Variants in CCDC178 observed in about 807,000 individuals in gnomAD.
The protein encoded by CCDC178 is coiled-coil domain containing 178, also known as coiled-coil domain-containing protein 178.
In CCDC178, 126 loss-of-function variants were observed where a neutral mutation model predicts 117.4. The observed-to-expected ratio is 1.07, with a 90% CI of 0.93 to 1.24. CCDC178 has a LOEUF of 1.24. Ranked by LOEUF, CCDC178 falls within the 50% of genes most tolerant of loss-of-function variation. CCDC178 has a pLI of 0.00. For missense variants in CCDC178, 1,030 were observed against 986.9 expected (o/e 1.04, Z -0.59); for synonymous variants, 283 against 313.4 (o/e 0.90, Z 1.02).
chr18:33,158,889 C>T (rs1482452079), intron 20 of CCDC178, among the ~76,000 whole-genome samples: 2 of 152,034 alleles, frequency 1.3e-5, no homozygotes, highest in Non-Finnish European at 2.9e-5. Flanking sequence ...GCTTACCTCC[C>T]ATTTTAAAGG....
At chr18:33,028,847 A>T (rs146032155) in intron 21 of CCDC178, among the ~76,000 whole-genome samples, 72 of 152,000 alleles carry the variant, frequency 4.7e-4, no homozygotes, top group African/African-American at 1.7e-3. Context: ...ATACTGAAAT[A>T]ACCTTGCATA....
chr18:33,232,667 G>T (rs4573999), intron 15 of CCDC178, among the ~76,000 whole-genome samples: 24,436 of 152,036 alleles, frequency 0.16, 2,731 homozygotes, highest in African/African-American at 0.32. Context: ...ATGACACTAT[G>T]TTATCTTTCT....
At chr18:33,284,609 T>C (rs2144840851) in intron 12 of CCDC178, among the ~76,000 whole-genome samples, 1 of 152,322 alleles carries the variant, frequency 6.6e-6, no homozygotes, top group South Asian at 2.1e-4. Context: ...TATCTTCTAT[T>C]CGCTTGAGTA....
At chr18:33,396,817 C>CG (rs2063643822) in intron 4 of CCDC178, among the ~76,000 whole-genome samples, 1 of 151,830 alleles carries the variant, frequency 6.6e-6, no homozygotes, top group South Asian at 2.1e-4. Context: ...TCTGAAATGC[C>CG]GGGAACGTCT....
chr18:33,198,687 A>G (rs2058961129), intron 20 of CCDC178, among the ~76,000 whole-genome samples: 2 of 152,184 alleles, frequency 1.3e-5, no homozygotes, highest in Admixed American at 6.5e-5. Flanking sequence ...TAATAACTTA[A>G]TATTTTGTCG....
intron 14 of CCDC178, among the ~76,000 whole-genome samples, chr18:33,253,044 A>G (rs1489119569): frequency 1.3e-5 from 2 of 151,862 alleles, no homozygotes; most frequent in African/African-American, 2.4e-5. Context: ...TGAATAAGCA[A>G]TCAAGTAAAA....
intron 21 of CCDC178, among the ~76,000 whole-genome samples, chr18:33,041,238 G>C (rs2056544769): frequency 6.6e-6 from 1 of 151,528 alleles, no homozygotes; most frequent in Non-Finnish European, 1.5e-5. Context: ...TTGATGTTTT[G>C]ACAGATAAAT....
chr18:33,252,596 T>C (rs375699090), intron 14 of CCDC178, among the ~76,000 whole-genome samples: 58 of 151,832 alleles, frequency 3.8e-4, no homozygotes, highest in African/African-American at 1.3e-3. Flanking sequence ...TGGTAAGACA[T>C]AGCTAAATGG....
intron 12 of CCDC178, among the ~76,000 whole-genome samples, chr18:33,275,599 A>G (rs1037584580): frequency 7.5e-6 from 1 of 133,268 alleles, no homozygotes; most frequent in South Asian, 2.8e-4. Flanking sequence ...GGGGAAGGGA[A>G]GAAGGGAGGG....
chr18:33,219,133 G>T (rs953310974), intron 18 of CCDC178, among the ~76,000 whole-genome samples: 1 of 152,092 alleles, frequency 6.6e-6, no homozygotes, highest in Non-Finnish European at 1.5e-5. Flanking sequence ...TCATTGAGCA[G>T]TGGTTTGTAG....
chr18:33,389,246 G>C (rs2144820131), intron 5 of CCDC178, among the ~76,000 whole-genome samples: 1 of 152,028 alleles, frequency 6.6e-6, no homozygotes, highest in Admixed American at 6.5e-5. Context: ...CAATGAACTG[G>C]AAATGTTCTA....
chr18:33,047,987 ACCCCC>A (rs2056676610), intron 21 of CCDC178, among the ~76,000 whole-genome samples: 1 of 152,142 alleles, frequency 6.6e-6, no homozygotes, highest in African/African-American at 2.4e-5. Context: ...TGAAGTCCTA[ACCCCC>A]AGTACCTCCG....
chr18:33,119,321 A>G (rs200308108), intron 20 of CCDC178, among the ~76,000 whole-genome samples: 7 of 152,160 alleles, frequency 4.6e-5, no homozygotes, highest in African/African-American at 7.2e-5. Context: ...GAATCTACAA[A>G]GAACTTAAAC....
chr18:33,143,723 G>T (rs1347082321), intron 20 of CCDC178, among the ~76,000 whole-genome samples: 1 of 152,082 alleles, frequency 6.6e-6, no homozygotes, highest in South Asian at 2.1e-4. Context: ...TGGAATATTA[G>T]TGTAAAAGTT....
intron 3 of CCDC178, among the ~76,000 whole-genome samples, chr18:33,399,306 G>T (rs1219650867): frequency 6.6e-6 from 1 of 152,190 alleles, no homozygotes; most frequent in Non-Finnish European, 1.5e-5. Flanking sequence ...TGATCAAGGT[G>T]GTGGTTGCTG....
intron 22 of CCDC178, among the ~76,000 whole-genome samples, chr18:32,961,448 T>A (rs2054701270): frequency 6.6e-6 from 1 of 152,136 alleles, no homozygotes; most frequent in Admixed American, 6.6e-5. Context: ...TACTCTTCCA[T>A]CTTTAAAACT....
At chr18:33,361,580 T>A (rs955754274) in intron 6 of CCDC178, among the ~76,000 whole-genome samples, 4 of 151,602 alleles carry the variant, frequency 2.6e-5, no homozygotes, top group African/African-American at 9.7e-5. Context: ...GGAGTTAATA[T>A]GAAAAATGTA....
chr18:33,145,140 C>T (rs1568015627), intron 20 of CCDC178, among the ~76,000 whole-genome samples: 1 of 152,082 alleles, frequency 6.6e-6, no homozygotes, highest in Non-Finnish European at 1.5e-5. Context: ...ATCTAAAATA[C>T]TTTTTAAAAG....
intron 21 of CCDC178, among the ~76,000 whole-genome samples, chr18:33,036,688 T>G (rs1000407399): frequency 6.6e-6 from 1 of 151,996 alleles, no homozygotes; most frequent in African/African-American, 2.4e-5. Flanking sequence ...TAAAGATGGA[T>G]GACAGTGGCT....
Sources: gnomAD v4.1 joint callset for allele counts (sites outside exome capture counted in the v4.1 genomes callset) on GRCh38, gnomAD v4.1.1 for gene constraint, MANE v1.5 for transcripts, NCBI Gene and HGNC (gene_info 2026-07-23, HGNC 2026-07-21) for gene names.